Variants in CACNA1C observed in about 807,000 individuals in gnomAD.
The protein encoded by CACNA1C is calcium voltage-gated channel subunit alpha1 C.
Under a neutral mutation model 229.0 loss-of-function variants are expected in CACNA1C, and 30 were observed. The ratio of observed to expected loss-of-function variants is 0.13; its 90% CI spans 0.10 to 0.18. The LOEUF is 0.18. CACNA1C is among the 10% of genes least tolerant of loss of function. The pLI, the probability that CACNA1C is intolerant of heterozygous loss-of-function variation, is 1.00. For synonymous variants in CACNA1C, 1,114 were observed against 1,132.5 expected (o/e 0.98, Z 0.33); for missense variants, 1,658 against 2,845.0 (o/e 0.58, Z 9.49).
intron 3 of CACNA1C, among the ~76,000 whole-genome samples, chr12:2,160,312 C>A (rs369263871): frequency 6.6e-6 from 1 of 152,218 alleles, no homozygotes; most frequent in African/African-American, 2.4e-5. Context: ...TGACACATAG[C>A]AGACACTCAG....
chr12:2,491,095 A>C (rs1406572670), intron 6 of CACNA1C, among the ~76,000 whole-genome samples: 2 of 152,242 alleles, frequency 1.3e-5, no homozygotes, highest in Admixed American at 1.3e-4. Context: ...ATGAAACTCA[A>C]AACATTATGC....
intron 3 of CACNA1C, among the ~76,000 whole-genome samples, chr12:2,336,883 G>A (rs1051547188): frequency 9.9e-5 from 15 of 152,168 alleles, no homozygotes; most frequent in African/African-American, 3.6e-4. Flanking sequence ...TTGGGACACA[G>A]GATGAGATAC....
intron 3 of CACNA1C, among the ~76,000 whole-genome samples, chr12:2,409,066 G>C (rs2098774740): frequency 6.6e-6 from 1 of 152,170 alleles, no homozygotes; most frequent in East Asian, 1.9e-4. Flanking sequence ...TTCTTGTCCT[G>C]TTAGTGTCTT....
chr12:2,365,958 A>G (rs893295862), intron 3 of CACNA1C, among the ~76,000 whole-genome samples: 1 of 152,226 alleles, frequency 6.6e-6, no homozygotes. Flanking sequence ...AAATATGAAG[A>G]CATATGAAAA....
Position 2,137,956 on chromosome 12 carries a change from G to A in CACNA1C, c.477+17526G>A, listed in dbSNP as rs891892353. 1.6e-4 allele frequency among the ~76,000 whole-genome samples: 24 copies of A among 151,570 alleles called. 1 individual carries two copies. Among genetic ancestry groups the A allele is most frequent in the Non-Finnish European group, 3.4e-4 (23 of 67,670 alleles). On this transcript the variant is annotated intron_variant, in intron 3 of 46. Transcript: ENST00000399655. Reference sequence around the variant, plus strand: ...ATCGCCTCACACAGGCGCCCCTGCCGGGAGCTCATGCGGGCCACTCCCTGT... The same window carrying A: ...ATCGCCTCACACAGGCGCCCCTGCCAGGAGCTCATGCGGGCCACTCCCTGT...
intron 3 of CACNA1C, among the ~76,000 whole-genome samples, chr12:2,408,160 G>A (rs2098760233): frequency 6.6e-6 from 1 of 152,204 alleles, no homozygotes; most frequent in South Asian, 2.1e-4. Context: ...AATATTACAT[G>A]GTTCCACTTA....
At chr12:2,472,384 G>A (rs1474392886) in intron 5 of CACNA1C, among the ~76,000 whole-genome samples, 1 of 151,820 alleles carries the variant, frequency 6.6e-6, no homozygotes, top group Non-Finnish European at 1.5e-5. Flanking sequence ...TTCCTCTAAT[G>A]TCTCCATCTT....
chr12:2,135,662 G>C (rs1334464230), intron 3 of CACNA1C, among the ~76,000 whole-genome samples: 14 of 143,762 alleles, frequency 9.7e-5, no homozygotes, highest in South Asian at 2.2e-4. Context: ...CAGTCTGCCC[G>C]TTCTCAGATC....
At chr12:2,550,126 C>A in intron 10 of CACNA1C, 93 bp downstream of exon 10, 1 of 895,494 alleles carries the variant, frequency 1.1e-6, no homozygotes, top group Non-Finnish European at 1.8e-6. Flanking sequence ...TGGCTCATCA[C>A]TAGGAAGGGC....
chr12:1,991,734 C>T (rs1380467814), intron 1 of CACNA1C: 1 of 157,062 alleles, frequency 6.4e-6, no homozygotes, highest in Non-Finnish European at 1.4e-5. Context: ...ATCAGATAAA[C>T]CCTGTGGGAC....
rs1170517275 is a variant in CACNA1C at position 2,287,643 on chromosome 12, C to CA, written c.478-161327dup. Reference sequence around the variant, plus strand: ...ATAAGAATCATCTGGGATCATTTAACAAAAAACAATGCCAGGATCCTACAG... The same window carrying CA: ...ATAAGAATCATCTGGGATCATTTAACAAAAAAACAATGCCAGGATCCTACAG... On this transcript the variant is annotated intron_variant, in intron 3 of 46. Transcript: ENST00000399655. This position sits in a 1 kb window ranked among gnomAD's most constrained non-coding sequence, Gnocchi z 4.6. Among the ~76,000 whole-genome samples the CA allele has an allele frequency of 6.6e-6, 1 of 152,132 alleles. No homozygotes were observed. The highest frequency in any genetic ancestry group is 6.5e-5 in the Admixed American group (1 of 15,280).
intron 3 of CACNA1C, among the ~76,000 whole-genome samples, chr12:2,191,272 C>A (rs1392794161): frequency 6.6e-6 from 1 of 152,122 alleles, no homozygotes; most frequent in Non-Finnish European, 1.5e-5. Flanking sequence ...CAGATAGAGA[C>A]AGACTGAAGC....
intron 1 of CACNA1C, among the ~76,000 whole-genome samples, chr12:2,109,736 T>C (rs945292900): frequency 6.6e-6 from 1 of 152,158 alleles, no homozygotes; most frequent in African/African-American, 2.4e-5. Flanking sequence ...AAGGTCAGGG[T>C]GGCTACTGCA....
intron 1 of CACNA1C, among the ~76,000 whole-genome samples, chr12:2,082,373 G>C (rs902405796): frequency 1.3e-5 from 2 of 152,144 alleles, no homozygotes; most frequent in Non-Finnish European, 2.9e-5. Flanking sequence ...TTCAGGCCCT[G>C]ATGTCCTAGT....
intron 3 of CACNA1C, among the ~76,000 whole-genome samples, chr12:2,439,108 G>T (rs7313403): frequency 2.0e-5 from 3 of 152,056 alleles, no homozygotes; most frequent in African/African-American, 7.2e-5. Flanking sequence ...CTGTGGCCAC[G>T]CTCTGACACA....
intron 5 of CACNA1C, among the ~76,000 whole-genome samples, chr12:2,482,199 C>A (rs561284550): frequency 2.6e-5 from 4 of 152,374 alleles, no homozygotes; most frequent in Non-Finnish European, 5.9e-5. Context: ...AAGCGAGAGC[C>A]TTTCCTGGAC....
In CACNA1C at chr12:2,241,327, G is replaced by C. The variant is rs555714613; in HGVS notation, c.477+120897G>C. On this transcript the variant is annotated intron_variant, in intron 3 of 46. Coordinates refer to ENST00000399655, the MANE Select transcript of CACNA1C (RefSeq NM_000719.7). ...TAAAGATGAGAAACCAGAAGCCAAG[G>C]ATCCTGTAATTTGCCCAAGGTCACG... 3.9e-5 allele frequency among the ~76,000 whole-genome samples: 6 copies of C among 152,212 alleles called. No individual in the cohort carries two copies. In the South Asian group the frequency reaches 1.2e-3, roughly 32 times the overall value.
At chr12:2,144,176 C>T (rs1246599125) in intron 3 of CACNA1C, among the ~76,000 whole-genome samples, 2 of 151,266 alleles carry the variant, frequency 1.3e-5, no homozygotes. Context: ...AGGATTCTGA[C>T]TGTAATGTGA....
intron 29 of CACNA1C, among the ~76,000 whole-genome samples, chr12:2,621,092 C>G (rs552676060): frequency 6.6e-6 from 1 of 152,144 alleles, no homozygotes; most frequent in African/African-American, 2.4e-5. Flanking sequence ...TCCACTTATC[C>G]GTACTTCCTT....
Sources: allele counts gnomAD v4.1 joint callset (sites outside exome capture counted in the v4.1 genomes callset), GRCh38; gene constraint gnomAD v4.1.1; non-coding constraint Gnocchi (gnomAD v3.1); transcripts MANE v1.5; gene names NCBI Gene and HGNC (gene_info 2026-07-23, HGNC 2026-07-21).